The following TYW1 variants were observed in gnomAD, a reference collection of about 807,000 sequenced individuals.
TYW1 encodes S-adenosyl-L-methionine-dependent tRNA 4-demethylwyosine synthase TYW1.
A neutral mutation model predicts 96.2 loss-of-function variants in TYW1; 46 were observed. The observed-to-expected ratio is 0.48, with a 90% CI of 0.38 to 0.61. The LOEUF (loss-of-function observed/expected upper bound fraction) is 0.61. TYW1 is among the 20% of genes least tolerant of loss of function. The probability of loss-of-function intolerance (pLI) is 0.00; values close to 1 mark genes in which losing one functional copy is unlikely to be tolerated. For synonymous variants in TYW1, 274 were observed against 323.0 expected (o/e 0.85, Z 1.63); for missense variants, 684 against 909.6 (o/e 0.75, Z 3.19).
intron 11 of TYW1, among the ~76,000 whole-genome samples, chr7:67,092,731 G>A (rs57997233): frequency 0.14 from 19,669 of 136,226 alleles, 1,693 homozygotes; most frequent in East Asian, 0.3. Context: ...TGCCAAGGCT[G>A]GAGTGCAGTG....
intron 8 of TYW1, among the ~76,000 whole-genome samples, chr7:67,051,455 A>G (rs550716950): frequency 5.9e-5 from 9 of 152,262 alleles, no homozygotes; most frequent in Non-Finnish European, 1.0e-4. Context: ...CTACAGGTGT[A>G]AGCCACCACA....
At chr7:67,181,610 G>T (rs1442759044) in intron 13 of TYW1, among the ~76,000 whole-genome samples, 3 of 150,334 alleles carry the variant, frequency 2.0e-5, no homozygotes, top group Non-Finnish European at 4.4e-5. Context: ...TCACTTTACT[G>T]TTTTTTTTTC....
At chr7:67,216,623 ACT>A (rs1256505331) in intron 15 of TYW1, among the ~76,000 whole-genome samples, 2 of 142,690 alleles carry the variant, frequency 1.4e-5, no homozygotes, top group Non-Finnish European at 1.5e-5. Flanking sequence ...CTCTGAAATG[ACT>A]CTGTTATTTT....
At chr7:67,137,422 C>T (rs1216770537) in intron 13 of TYW1, among the ~76,000 whole-genome samples, 2 of 151,508 alleles carry the variant, frequency 1.3e-5, no homozygotes, top group Non-Finnish European at 2.9e-5. Flanking sequence ...TTGAGACTAG[C>T]CTAGGCAACA....
intron 14 of TYW1, among the ~76,000 whole-genome samples, chr7:67,187,930 T>C (rs1800081554): frequency 6.6e-6 from 1 of 152,266 alleles, no homozygotes; most frequent in Non-Finnish European, 1.5e-5. Flanking sequence ...ATGCTTTTCC[T>C]GTTCAATAGG....
rs10623787 is a variant in TYW1, at chr7:67,208,689, C to CAAA, written c.1977+13370_1977+13372dup. On this transcript the variant is annotated intron_variant, in intron 15 of 15. Coordinates refer to ENST00000359626, the MANE Select transcript of TYW1 (RefSeq NM_018264.4). The stretch of plus-strand genomic sequence containing the variant: ...AGGGCAACAGAGTGAGACGCTGTCT[C>CAAA]AAAAAAAAAAAAAAAAAAAACCACA... Among the ~76,000 whole-genome samples the CAAA allele has an allele frequency of 3.4e-3, 256 of 76,096 alleles. 4 individuals are homozygous for CAAA. The highest frequency in any genetic ancestry group is 9.9e-3 in the African/African-American group (201 of 20,402). 49.9% of individuals were successfully genotyped at this position (76,096 alleles called of 152,430 possible). A position where few individuals can be genotyped will look rare whatever the true frequency, so the allele number is the denominator to read the frequency against.
At position 67,109,056 on chromosome 7, in the gene TYW1, G is replaced by A. The variant is rs528955656; in HGVS notation, c.1563-8427G>A. The stretch of plus-strand genomic sequence containing the variant: ...TGGGAGGCCGAGGCGGGCGGATCAC[G>A]AGGTCAGGAGATCGAGACCATCCTG... On this transcript the variant is annotated intron_variant, in intron 12 of 15. Coordinates refer to ENST00000359626, the MANE Select transcript of TYW1 (RefSeq NM_018264.4). Among the ~76,000 whole-genome samples the A allele has an allele frequency of 1.9e-3, 280 of 151,236 alleles. 5 individuals carry two copies. In the Middle Eastern group the frequency reaches 0.048, roughly 26 times the overall value.
At chr7:67,154,083 G>C (rs1798891452) in intron 13 of TYW1, among the ~76,000 whole-genome samples, 1 of 151,904 alleles carries the variant, frequency 6.6e-6, no homozygotes, top group African/African-American at 2.4e-5. Context: ...ACCACACCTG[G>C]CTATTTTTTT....
At chr7:67,105,975 A>G (rs1375312911) in intron 12 of TYW1, among the ~76,000 whole-genome samples, 1 of 133,536 alleles carries the variant, frequency 7.5e-6, no homozygotes, top group East Asian at 2.2e-4. Context: ...TCGGCTCACC[A>G]CAACCTCCAC....
At chr7:67,016,287 C>T (rs1794020668) in intron 5 of TYW1, among the ~76,000 whole-genome samples, 1 of 150,392 alleles carries the variant, frequency 6.6e-6, no homozygotes, top group African/African-American at 2.4e-5. Flanking sequence ...GTGGCACACT[C>T]CTGTAATGCC....
intron 12 of TYW1, among the ~76,000 whole-genome samples, chr7:67,106,899 T>C (rs1352437185): frequency 3.3e-5 from 5 of 152,230 alleles, no homozygotes; most frequent in Non-Finnish European, 5.9e-5. Flanking sequence ...CACCTCCTGC[T>C]CCCAAATTTC....
At chr7:67,069,530 G>A (rs61396249) in intron 10 of TYW1, among the ~76,000 whole-genome samples, 47 of 152,274 alleles carry the variant, frequency 3.1e-4, no homozygotes, top group African/African-American at 9.9e-4. Context: ...TTTGAGCCCA[G>A]GGGTTCAAGA....
At chr7:67,091,453 C>T (rs553523285) in intron 11 of TYW1, among the ~76,000 whole-genome samples, 8 of 152,038 alleles carry the variant, frequency 5.3e-5, no homozygotes, top group Admixed American at 2.0e-4. Context: ...TTAGGAGATA[C>T]ACCTAATGTA....
chr7:67,120,908 CATT>C (rs1268511276), intron 13 of TYW1, among the ~76,000 whole-genome samples: 11 of 152,286 alleles, frequency 7.2e-5, no homozygotes, highest in African/African-American at 2.2e-4. Flanking sequence ...AAATAGAAGT[CATT>C]ATTGTCTCTA....
At chr7:67,012,459 C>G (rs987751611) in intron 4 of TYW1, among the ~76,000 whole-genome samples, 5 of 152,094 alleles carry the variant, frequency 3.3e-5, no homozygotes, top group African/African-American at 7.2e-5. Context: ...TTCTTTGTCC[C>G]CCAAGAAAAT....
At position 67,083,466 on chromosome 7, in the gene TYW1, G is replaced by A. The variant is rs1194289572; in HGVS notation, c.1311G>A (p.Trp437Ter). 6.2e-7 allele frequency: 1 copy of A among 1,614,026 alleles called. No homozygotes were observed. The highest frequency in any genetic ancestry group is 1.3e-5 in the African/African-American group (1 of 74,914). Residue 437 changes from tryptophan (W) to a stop codon, truncating the protein, a stop_gained, in exon 11 of 16, where the codon TGG becomes TGA. Coordinates refer to ENST00000359626, the MANE Select transcript of TYW1 (RefSeq NM_018264.4). LOFTEE classifies it high-confidence loss of function. ...HTNPVGTEWR[W>*]KMDQPEMILK... Reference sequence around the variant, plus strand: ...ACCCCGTGGGCACTGAGTGGCGGTGGAAGATGGACCAGCCTGAAATGATCT... The same window carrying A: ...ACCCCGTGGGCACTGAGTGGCGGTGAAAGATGGACCAGCCTGAAATGATCT...
chr7:67,056,394 A>T (rs761667060), intron 9 of TYW1, among the ~76,000 whole-genome samples: 2 of 151,726 alleles, frequency 1.3e-5, no homozygotes, highest in Non-Finnish European at 2.9e-5. Context: ...CGGGAGGCTG[A>T]GGCAGGAGAA....
At chr7:67,121,262 G>A (rs550090780) in intron 13 of TYW1, among the ~76,000 whole-genome samples, 7 of 152,336 alleles carry the variant, frequency 4.6e-5, no homozygotes, top group East Asian at 3.9e-4. Context: ...CTGGCTGGGC[G>A]CGGTGGCTCA....
intron 7 of TYW1, among the ~76,000 whole-genome samples, chr7:67,037,425 AC>A (rs547645677): frequency 8.1e-4 from 121 of 150,198 alleles, no homozygotes; most frequent in African/African-American, 2.8e-3. Flanking sequence ...AATCCCTTGA[AC>A]CCAGAAGGCG....
Sources: allele counts gnomAD v4.1 joint callset (sites outside exome capture counted in the v4.1 genomes callset), GRCh38; gene constraint gnomAD v4.1.1; transcripts MANE v1.5; gene names NCBI Gene and HGNC (gene_info 2026-07-23, HGNC 2026-07-21).